WNK2: variants seen among roughly 807,000 people sequenced by gnomAD.
The protein encoded by WNK2 is WNK lysine deficient protein kinase 2.
A neutral mutation model predicts 192.1 loss-of-function variants in WNK2; 67 were observed. That is an observed-to-expected ratio of 0.35 (90% CI 0.29 to 0.43). WNK2 has a LOEUF of 0.43. Among genes scored for constraint, WNK2 ranks in the 20% least tolerant of loss-of-function variants. The probability of loss-of-function intolerance (pLI) is 1.00; values close to 1 mark genes in which losing one functional copy is unlikely to be tolerated. For synonymous variants in WNK2, 1,439 were observed against 1,393.9 expected (o/e 1.03, Z -0.72); for missense variants, 2,698 against 3,089.7 (o/e 0.87, Z 3.01).
rs1422128182 is a variant in WNK2, at chr9:93,252,934, A to T, written c.1886A>T (p.Gln629Leu). The T allele has an allele frequency of 2.5e-6, 4 of 1,575,362 alleles. No individual in the cohort carries two copies. The highest frequency in any genetic ancestry group is 2.6e-6 in the Non-Finnish European group (3 of 1,162,006). Reference sequence around the variant, plus strand: ...GGCTCTACCGTGTACTCAGACTCGCAGAGCAGCCAGCAGAGCGTGATGCTT... The same window carrying T: ...GGCTCTACCGTGTACTCAGACTCGCTGAGCAGCCAGCAGAGCGTGATGCTT... Reference protein sequence around the residue: ...GQGSTVYSDSQSSQQSVMLGS... With the variant: ...GQGSTVYSDSLSSQQSVMLGS... Residue 629 changes from glutamine to leucine, a missense_variant, in exon 9 of 30, where the codon CAG (glutamine) becomes CTG (leucine). Physicochemically the swap from Gln to Leu is moderately radical, Grantham distance 113. This residue lies in a region of WNK2 where 893 missense variants were observed against 909.0 expected (regional missense o/e 0.98). Transcript: ENST00000427277.
At chr9:93,287,937 A>G (rs1420346174) in intron 19 of WNK2, among the ~76,000 whole-genome samples, 1 of 152,042 alleles carries the variant, frequency 6.6e-6, no homozygotes. Flanking sequence ...TCCGAGCTAC[A>G]AGGAAGGCTG....
At chr9:93,211,281 CTCACTCATACACTCAGTCACTCAT>C (rs1587917324) in intron 2 of WNK2, among the ~76,000 whole-genome samples, 10 of 126,136 alleles carry the variant, frequency 7.9e-5, no homozygotes, top group Admixed American at 1.6e-4. Context: ...CACTCATCCA[CTCACTCATACACTCAGTCACTCAT>C]TCACTCACTC....
chr9:93,221,495 G>A (rs891210595), intron 2 of WNK2, among the ~76,000 whole-genome samples: 5 of 152,172 alleles, frequency 3.3e-5, no homozygotes, highest in Admixed American at 2.6e-4. Context: ...TGGACAGAAC[G>A]ATGCTGGGCC....
chr9:93,308,383 G>C lies in WNK2; in HGVS notation c.6315G>C (p.Leu2105=). 2 of 1,569,680 alleles carry C rather than the reference G, an allele frequency of 1.3e-6. No individual in the cohort carries two copies. Among genetic ancestry groups the C allele is most frequent in the Non-Finnish European group, 1.7e-6 (2 of 1,158,130 alleles). ...CTGAGCCAGGCCCCCAGCCCGCCCT[G>C]CACGTCCAGGCGCAGGTGAACAACA... ...PGPEPGPQPA[L]HVQAQVNNSN... is the part of the protein sequence containing the mutation. The change falls in exon 28 of 30, where the codon CTG becomes CTC. Residue 2105 remains leucine (L), a synonymous_variant. Transcript: ENST00000427277.
At chr9:93,288,663 A>G in intron 19 of WNK2, 125 bp from the exon 20 acceptor site, 1 of 1,021,384 alleles carries the variant, frequency 9.8e-7, no homozygotes, top group Non-Finnish European at 1.4e-6. Flanking sequence ...GCGTGTCGGG[A>G]AACAGAGAAG....
At chr9:93,281,770 A>G (rs1847772497) in intron 19 of WNK2, among the ~76,000 whole-genome samples, 1 of 152,214 alleles carries the variant, frequency 6.6e-6, no homozygotes, top group Non-Finnish European at 1.5e-5. Context: ...GATGCCCAAG[A>G]AAAAACAGGT....
intron 2 of WNK2, among the ~76,000 whole-genome samples, chr9:93,222,512 C>T (rs1446956777): frequency 6.6e-6 from 1 of 152,126 alleles, no homozygotes; most frequent in Non-Finnish European, 1.5e-5. Context: ...TGAGCACCTC[C>T]TTCCCTGGCT....
chr9:93,237,649 A>G (rs772259247), intron 5 of WNK2, among the ~76,000 whole-genome samples: 2 of 152,136 alleles, frequency 1.3e-5, no homozygotes, highest in South Asian at 4.2e-4. Flanking sequence ...CGTGGGTCAC[A>G]TTTTCTTGCA....
intron 2 of WNK2, among the ~76,000 whole-genome samples, chr9:93,196,801 G>A (rs1831358212): frequency 6.6e-6 from 1 of 152,108 alleles, no homozygotes; most frequent in Non-Finnish European, 1.5e-5. Context: ...AGGGGTGGCG[G>A]GCTGTGGGTG....
intron 2 of WNK2, among the ~76,000 whole-genome samples, chr9:93,187,826 G>A (rs749432553): frequency 5.9e-5 from 9 of 152,080 alleles, no homozygotes; most frequent in Admixed American, 6.6e-5. Flanking sequence ...CGTGTGGAAC[G>A]GAAGAGGGTG....
At chr9:93,246,120 G>A (rs929225422) in intron 7 of WNK2, among the ~76,000 whole-genome samples, 2 of 152,194 alleles carry the variant, frequency 1.3e-5, no homozygotes, top group African/African-American at 2.4e-5. Flanking sequence ...GCATGTCAGA[G>A]TCTGTGGACA....
intron 2 of WNK2, among the ~76,000 whole-genome samples, chr9:93,197,113 C>T (rs1831405149): frequency 6.6e-6 from 1 of 152,220 alleles, no homozygotes; most frequent in African/African-American, 2.4e-5. Context: ...TTTTGGAAAA[C>T]TTTGGAAAAA....
chr9:93,306,834 GT>G lies in WNK2; in HGVS notation c.6259+19del, dbSNP rs1457860024. The G allele has an allele frequency of 2.5e-6, 4 of 1,613,938 alleles. No homozygotes were observed. The highest frequency in any genetic ancestry group is 2.2e-5 in the East Asian group (1 of 44,894). ...GAACACAGCAGTAGTAATTATCCGG[GT>G]TTTTTCCCCTTTGTCCTCTCTCATC... On this transcript the variant is annotated intron_variant, in intron 27 of 29. Transcript: ENST00000427277.
At chr9:93,269,010 G>T (rs1405147883) in intron 19 of WNK2, 8 of 1,429,634 alleles carry the variant, frequency 5.6e-6, no homozygotes, top group Non-Finnish European at 7.7e-6. Context: ...ATAGGTGTGT[G>T]TTGAAGAGCT....
intron 2 of WNK2, among the ~76,000 whole-genome samples, chr9:93,206,641 C>T (rs867099835): frequency 6.6e-6 from 1 of 152,174 alleles, no homozygotes; most frequent in African/African-American, 2.4e-5. Context: ...ACCGGGCAGA[C>T]GTGTGCTTGG....
At chr9:93,220,762 C>T (rs751689519) in intron 2 of WNK2, among the ~76,000 whole-genome samples, 4 of 152,086 alleles carry the variant, frequency 2.6e-5, no homozygotes, top group East Asian at 3.9e-4. Flanking sequence ...GTGGTGGGCC[C>T]GGGGAGTGGG....
At chr9:93,262,580 G>A (rs1332565834) in intron 13 of WNK2, 90 bp from the exon 14 acceptor site, 1 of 1,425,952 alleles carries the variant, frequency 7.0e-7, no homozygotes, top group Non-Finnish European at 9.8e-7. Context: ...CTGAGGAAGT[G>A]GGGAGGGAGA....
chr9:93,201,165 T>C (rs1317045527), intron 2 of WNK2, among the ~76,000 whole-genome samples: 1 of 152,162 alleles, frequency 6.6e-6, no homozygotes, highest in East Asian at 1.9e-4. Context: ...AGGGTCCTGC[T>C]TGGGATGAGT....
intron 2 of WNK2, among the ~76,000 whole-genome samples, chr9:93,219,945 G>C (rs1448573322): frequency 6.6e-6 from 1 of 152,240 alleles, no homozygotes; most frequent in East Asian, 1.9e-4. Context: ...TTAGCGCCGG[G>C]CTCCTCCTGG....
Sources: allele counts gnomAD v4.1 joint callset (sites outside exome capture counted in the v4.1 genomes callset), GRCh38; gene constraint gnomAD v4.1.1; regional missense constraint gnomAD v4.1.1; transcripts MANE v1.5; gene names NCBI Gene and HGNC (gene_info 2026-07-23, HGNC 2026-07-21).